The following HYCC1 variants were observed in gnomAD, a reference collection of about 807,000 sequenced individuals.
HYCC1 encodes hyccin PI4KA lipid kinase complex subunit 1, also known as hyccin.
chr7:23,012,574 A>C, the HYCC1 span, among the ~76,000 whole-genome samples: 1 of 152,196 alleles, frequency 6.6e-6, no homozygotes, highest in East Asian at 1.9e-4. Flanking sequence ...GCTGACTTTG[A>C]AGCCACTATT....
At chr7:22,920,612 G>C in the HYCC1 span, among the ~76,000 whole-genome samples, 2 of 152,048 alleles carry the variant, frequency 1.3e-5, no homozygotes, top group Middle Eastern at 3.2e-3. Flanking sequence ...TTACAAGAAA[G>C]ACCAAAGGAA....
the HYCC1 span, among the ~76,000 whole-genome samples, chr7:22,998,001 A>C: frequency 6.7e-6 from 1 of 149,760 alleles, no homozygotes; most frequent in Admixed American, 6.6e-5. Flanking sequence ...GAAGGTAAGA[A>C]GTTCTTTCTT....
chr7:22,965,697 G>A, the HYCC1 span, among the ~76,000 whole-genome samples: 1 of 151,670 alleles, frequency 6.6e-6, no homozygotes, highest in African/African-American at 2.4e-5. Context: ...CATGATCATG[G>A]CTCACTGCAG....
the HYCC1 span, among the ~76,000 whole-genome samples, chr7:22,909,384 C>A: frequency 9.0e-4 from 137 of 152,284 alleles, no homozygotes; most frequent in African/African-American, 3.0e-3. Flanking sequence ...GATGCTGGCA[C>A]TATGTTTTCT....
the HYCC1 span, chr7:22,942,394 G>A: frequency 1.3e-5 from 2 of 152,114 alleles, no homozygotes; most frequent in Non-Finnish European, 2.9e-5. Context: ...AGGACTCCAG[G>A]GTGCTTTCCT....
chr7:22,990,612 T>A, the HYCC1 span, among the ~76,000 whole-genome samples: 3 of 152,310 alleles, frequency 2.0e-5, no homozygotes, highest in African/African-American at 7.2e-5. Context: ...TAATCAAAGG[T>A]CATACACCCC....
chr7:22,965,178 C>T, the HYCC1 span, among the ~76,000 whole-genome samples: 1 of 150,350 alleles, frequency 6.7e-6, no homozygotes, highest in South Asian at 2.1e-4. Flanking sequence ...AAACTTGGCA[C>T]TATTTGTCAT....
At chr7:22,945,441 T>C in the HYCC1 span, 1 of 667,538 alleles carries the variant, frequency 1.5e-6, no homozygotes, top group South Asian at 1.7e-5. Flanking sequence ...CTAGACAATC[T>C]TCCCTTCATA....
At chr7:22,946,900 G>A in the HYCC1 span, 6 of 1,457,848 alleles carry the variant, frequency 4.1e-6, no homozygotes, top group Admixed American at 1.3e-4. Flanking sequence ...AAATTTTTGT[G>A]ACTGTGCAAC....
At chr7:22,909,735 C>T in the HYCC1 span, among the ~76,000 whole-genome samples, 14 of 152,138 alleles carry the variant, frequency 9.2e-5, no homozygotes, top group Admixed American at 2.6e-4. Flanking sequence ...CTTCTTTCCC[C>T]GGACCCTTCT....
chr7:22,937,562 A>G, the HYCC1 span: 1 of 152,232 alleles, frequency 6.6e-6, no homozygotes, highest in Non-Finnish European at 1.5e-5. Context: ...CTTCATTTTC[A>G]TCTCCATGAA....
At chr7:22,956,059 T>C in the HYCC1 span, among the ~76,000 whole-genome samples, 20 of 151,850 alleles carry the variant, frequency 1.3e-4, no homozygotes, top group African/African-American at 4.6e-4. Context: ...TGACTTTTAT[T>C]ATGGTCATAA....
At chr7:22,974,747 C>T in the HYCC1 span, among the ~76,000 whole-genome samples, 1 of 152,182 alleles carries the variant, frequency 6.6e-6, no homozygotes, top group Admixed American at 6.5e-5. Flanking sequence ...TGTGTCCCTA[C>T]TCAAATCTCA....
the HYCC1 span, among the ~76,000 whole-genome samples, chr7:22,898,593 TCTTTTC>T: frequency 9.6e-6 from 1 of 104,158 alleles, no homozygotes. Flanking sequence ...TCTTTTCTTT[TCTTTTC>T]TTTTCTTTTT....
At chr7:22,958,863 A>G in the HYCC1 span, among the ~76,000 whole-genome samples, 3 of 152,170 alleles carry the variant, frequency 2.0e-5, no homozygotes, top group Non-Finnish European at 1.5e-5. Flanking sequence ...AGGAAAGTGG[A>G]AAAGAAATTA....
the HYCC1 span, among the ~76,000 whole-genome samples, chr7:22,968,566 A>T: frequency 5.3e-4 from 80 of 152,212 alleles, no homozygotes; most frequent in African/African-American, 1.9e-3. Context: ...CTGACAGAGT[A>T]CTCTTCCAAT....
the HYCC1 span, among the ~76,000 whole-genome samples, chr7:22,956,246 A>G: frequency 6.6e-6 from 1 of 151,868 alleles, no homozygotes; most frequent in Non-Finnish European, 1.5e-5. Flanking sequence ...TGCCATCTAT[A>G]GACTAAATTA....
At chr7:22,930,381 G>GAAAAAAAAAAAAAGAAAAAAA in the HYCC1 span, among the ~76,000 whole-genome samples, 1 of 108,128 alleles carries the variant, frequency 9.2e-6, no homozygotes, top group Non-Finnish European at 2.0e-5. Context: ...AAAGTAAAAA[G>GAAAAAAAAAAAAAGAAAAAAA]AAAAAGAAAA....
At chr7:22,994,337 A>G in the HYCC1 span, among the ~76,000 whole-genome samples, 1 of 152,190 alleles carries the variant, frequency 6.6e-6, no homozygotes, top group Non-Finnish European at 1.5e-5. Flanking sequence ...ATACTATATA[A>G]TTACATTTAT....
Sources: allele counts gnomAD v4.1 joint callset (sites outside exome capture counted in the v4.1 genomes callset), GRCh38; gene constraint gnomAD v4.1.1; transcripts MANE v1.5; gene names NCBI Gene and HGNC (gene_info 2026-07-23, HGNC 2026-07-21).